Variants in SYT2 observed in about 807,000 individuals in gnomAD.
SYT2 encodes synaptotagmin 2.
A neutral mutation model predicts 39.9 loss-of-function variants in SYT2; 15 were observed. The ratio of observed to expected loss-of-function variants is 0.38; its 90% CI spans 0.25 to 0.58. The LOEUF (loss-of-function observed/expected upper bound fraction) is 0.58. Among genes scored for constraint, SYT2 ranks in the 20% least tolerant of loss-of-function variants. SYT2 has a pLI of 0.70. For missense variants in SYT2, 389 were observed against 530.3 expected (o/e 0.73, Z 2.62); for synonymous variants, 181 against 204.5 (o/e 0.89, Z 0.98).
At chr1:202,617,443 C>A (rs1034406509) in intron 1 of SYT2, among the ~76,000 whole-genome samples, 1 of 152,156 alleles carries the variant, frequency 6.6e-6, no homozygotes, top group Non-Finnish European at 1.5e-5. Flanking sequence ...CACCTCCCCC[C>A]ATGATTGTAA....
Position 202,601,721 on chromosome 1 carries a change from A to G in SYT2, c.801+169T>C, listed in dbSNP as rs1246210217. Among the ~76,000 whole-genome samples the G allele has an allele frequency of 6.6e-6, 1 of 152,210 alleles. No individual in the cohort carries two copies. The highest frequency in any genetic ancestry group is 1.9e-4 in the East Asian group (1 of 5,186). On this transcript the variant is annotated intron_variant, in intron 6 of 8. Coordinates refer to ENST00000367268, the MANE Select transcript of SYT2 (RefSeq NM_177402.5). The surrounding 1 kb of genome is among the most constrained non-coding windows in gnomAD (Gnocchi z 4.0). The stretch of plus-strand genomic sequence containing the variant: ...AGACTAAAGGAGGGAACCCGAGTCC[A>G]GAGAGTGTAAGCAACTTGCCCAGGG...
intron 1 of SYT2, among the ~76,000 whole-genome samples, chr1:202,680,622 AAG>A (rs542091285): frequency 2.8e-4 from 42 of 152,170 alleles, no homozygotes; most frequent in Non-Finnish European, 5.3e-4. Flanking sequence ...CAAGGGGAGA[AAG>A]AGAGAGTTAC....
chr1:202,616,600 C>G (rs1313591807), intron 1 of SYT2, among the ~76,000 whole-genome samples: 2 of 152,218 alleles, frequency 1.3e-5, no homozygotes, highest in Non-Finnish European at 2.9e-5. Flanking sequence ...CTGCCCCATC[C>G]CTCTGCTGAA....
In SYT2 at chr1:202,628,021, G is replaced by C. The variant is rs895750425; in HGVS notation, c.-17-22232C>G. Among the ~76,000 whole-genome samples, 1 of 152,152 alleles carries C rather than the reference G, an allele frequency of 6.6e-6. No homozygotes were observed. The highest frequency in any genetic ancestry group is 1.5e-5 in the Non-Finnish European group (1 of 68,028). On this transcript the variant is annotated intron_variant, in intron 1 of 8. Transcript: ENST00000367268. This position sits in a 1 kb window ranked among gnomAD's most constrained non-coding sequence, Gnocchi z 4.2. ...TTTCCTTCCCAACAAAGAGCCCCAG[G>C]GAGCTCCTCAAGCACACTGGGAAGG... is the stretch of plus-strand genomic sequence containing the variant.
At chr1:202,640,988 C>T (rs1020108175) in intron 1 of SYT2, among the ~76,000 whole-genome samples, 7 of 152,188 alleles carry the variant, frequency 4.6e-5, no homozygotes, top group Admixed American at 1.3e-4. Context: ...ATAGCTACCA[C>T]TCATTGAGGA....
chr1:202,693,773 C>G (rs1043475661), intron 1 of SYT2, among the ~76,000 whole-genome samples: 1 of 152,162 alleles, frequency 6.6e-6, no homozygotes, highest in African/African-American at 2.4e-5. Flanking sequence ...TGTGTTAGTC[C>G]ATTTTTGCAT....
intron 1 of SYT2, among the ~76,000 whole-genome samples, chr1:202,627,171 G>A (rs1191521924): frequency 1.3e-5 from 2 of 152,214 alleles, no homozygotes; most frequent in African/African-American, 2.4e-5. Context: ...CCCTGGCTCT[G>A]TGTGTTCCTC....
At chr1:202,673,516 C>T (rs996425795) in intron 1 of SYT2, among the ~76,000 whole-genome samples, 2 of 152,162 alleles carry the variant, frequency 1.3e-5, no homozygotes, top group African/African-American at 4.8e-5. Flanking sequence ...TGAATGGATC[C>T]AATGAGATGG....
intron 1 of SYT2, among the ~76,000 whole-genome samples, chr1:202,702,470 G>C (rs1237462703): frequency 6.6e-6 from 1 of 152,190 alleles, no homozygotes; most frequent in Non-Finnish European, 1.5e-5. Flanking sequence ...TTAACTCCAT[G>C]CTTCCCGCTA....
chr1:202,661,244 C>A (rs1692373390), intron 1 of SYT2, among the ~76,000 whole-genome samples: 1 of 151,960 alleles, frequency 6.6e-6, no homozygotes, highest in African/African-American at 2.4e-5. Flanking sequence ...GGACCACCTG[C>A]CCCTGGGAAC....
chr1:202,658,335 C>T (rs1393213756), intron 1 of SYT2, among the ~76,000 whole-genome samples: 9 of 152,222 alleles, frequency 5.9e-5, no homozygotes, highest in Non-Finnish European at 1.2e-4. Flanking sequence ...CCAGAGTGTG[C>T]GGCAAGGGCA....
rs183589031 is a variant in SYT2 at position 202,692,957 on chromosome 1, G to A, written c.-18+17301C>T. Reference sequence around the variant, plus strand: ...GAGGAGGTTAATAAGGCAGGAGAAGGAGGGGGAGGAAGTTAATAGGACTCA... The same window carrying A: ...GAGGAGGTTAATAAGGCAGGAGAAGAAGGGGGAGGAAGTTAATAGGACTCA... On this transcript the variant is annotated intron_variant, in intron 1 of 8. Transcript: ENST00000367268. Among the ~76,000 whole-genome samples the A allele has an allele frequency of 5.2e-4, 79 of 152,294 alleles. No individual in the cohort carries two copies. In the East Asian group the frequency reaches 0.014, roughly 27 times the overall value.
At chr1:202,679,262 A>C (rs938091145) in intron 1 of SYT2, among the ~76,000 whole-genome samples, 1 of 151,948 alleles carries the variant, frequency 6.6e-6, no homozygotes, top group Non-Finnish European at 1.5e-5. Flanking sequence ...CTTGATGGTG[A>C]AGACTCCCTC....
At chr1:202,704,887 A>C (rs543634708) in intron 1 of SYT2, among the ~76,000 whole-genome samples, 54 of 152,314 alleles carry the variant, frequency 3.5e-4, no homozygotes, top group Admixed American at 1.0e-3. Flanking sequence ...TTCCTGAAGG[A>C]GGTGCCAGAG....
At chr1:202,681,891 A>C (rs1229696675) in intron 1 of SYT2, among the ~76,000 whole-genome samples, 1 of 152,208 alleles carries the variant, frequency 6.6e-6, no homozygotes, top group African/African-American at 2.4e-5. Flanking sequence ...CTTGAGAGCA[A>C]TTATGAGCCT....
intron 1 of SYT2, among the ~76,000 whole-genome samples, chr1:202,705,288 G>A (rs891847731): frequency 6.6e-6 from 1 of 152,254 alleles, no homozygotes; most frequent in South Asian, 2.1e-4. Flanking sequence ...TGGCGTAGCC[G>A]AGGACTGCAG....
intron 1 of SYT2, among the ~76,000 whole-genome samples, chr1:202,675,025 G>C (rs1482699019): frequency 2.0e-5 from 3 of 152,278 alleles, no homozygotes; most frequent in Admixed American, 2.0e-4. Flanking sequence ...AATGCCAGGT[G>C]CTCAGAGAGG....
intron 1 of SYT2, among the ~76,000 whole-genome samples, chr1:202,613,444 AG>A (rs1253726264): frequency 4.6e-5 from 7 of 152,096 alleles, no homozygotes; most frequent in Non-Finnish European, 8.8e-5. Flanking sequence ...TGGAGTCCTT[AG>A]GATTTTCTAT....
chr1:202,601,914 G>GTCTTACCTCCTCCTTTTCTCCT lies in SYT2; in HGVS notation c.776_777insAGGAGAAAAGGAGGAGGTAAGA (p.Asp259GlufsTer44), dbSNP rs1690517441. On this transcript the variant is annotated frameshift_variant, in exon 6 of 9. Coordinates refer to ENST00000367268, the MANE Select transcript of SYT2 (RefSeq NM_177402.5). LOFTEE classifies it high-confidence loss of function. The surrounding 1 kb of genome is among the most constrained non-coding windows in gnomAD (Gnocchi z 4.0). Reference sequence around the variant, plus strand: ...CCTCCTCCTTTTCCCCGCCTTGCAGGTCTCTCCACTCCTCAATGGGCTGGC... The same window carrying GTCTTACCTCCTCCTTTTCTCCT: ...CCTCCTCCTTTTCCCCGCCTTGCAGGTCTTACCTCCTCCTTTTCTCCTTCTCTCCACTCCTCAATGGGCTGGC... The GTCTTACCTCCTCCTTTTCTCCT allele has an allele frequency of 6.2e-7, 1 of 1,613,936 alleles. No individual in the cohort carries two copies. The highest frequency in any genetic ancestry group is 1.3e-5 in the African/African-American group (1 of 74,898).
Sources: allele counts gnomAD v4.1 joint callset (sites outside exome capture counted in the v4.1 genomes callset), GRCh38; gene constraint gnomAD v4.1.1; non-coding constraint Gnocchi (gnomAD v3.1); transcripts MANE v1.5; gene names NCBI Gene and HGNC (gene_info 2026-07-23, HGNC 2026-07-21).